The following PARD3 variants were observed in gnomAD, a reference collection of about 807,000 sequenced individuals.
PARD3 encodes the protein par-3 family cell polarity regulator.
A neutral mutation model predicts 155.4 loss-of-function variants in PARD3; 75 were observed. The observed-to-expected ratio is 0.48, with a 90% CI of 0.40 to 0.58. The LOEUF (loss-of-function observed/expected upper bound fraction) is 0.58, where lower values mean the gene tolerates loss of function less well. PARD3 is among the 20% of genes least tolerant of loss of function. The probability of loss-of-function intolerance (pLI) is 0.00; values close to 1 mark genes in which losing one functional copy is unlikely to be tolerated. For missense variants in PARD3, 1,642 were observed against 1,721.7 expected (o/e 0.95, Z 0.82); for synonymous variants, 576 against 610.5 (o/e 0.94, Z 0.83).
At chr10:34,709,771 C>T (rs2094423750) in intron 1 of PARD3, among the ~76,000 whole-genome samples, 1 of 152,150 alleles carries the variant, frequency 6.6e-6, no homozygotes, top group African/African-American at 2.4e-5. Flanking sequence ...GCTATGTCAT[C>T]CCGGGGCCTC....
At chr10:34,434,678 T>C (rs893708368) in intron 5 of PARD3, among the ~76,000 whole-genome samples, 3 of 152,116 alleles carry the variant, frequency 2.0e-5, no homozygotes, top group Non-Finnish European at 2.9e-5. Context: ...TGTTGACAGC[T>C]TGGACTTTGG....
chr10:34,384,988 C>T (rs1214631938), intron 7 of PARD3, among the ~76,000 whole-genome samples: 4 of 152,112 alleles, frequency 2.6e-5, no homozygotes, highest in Non-Finnish European at 4.4e-5. Flanking sequence ...TTGAGAGACC[C>T]CCTACTTGCT....
rs115179969 is a variant in PARD3, at chr10:34,300,454, A to C, written c.3066-16209T>G. Among the ~76,000 whole-genome samples, 455 of 152,284 alleles carry C rather than the reference A, an allele frequency of 3.0e-3. 2 individuals are homozygous for C. Among genetic ancestry groups the C allele is most frequent in the African/African-American group, 0.01 (420 of 41,554 alleles). On this transcript the variant is annotated intron_variant, in intron 20 of 24. Transcript: ENST00000374788. ...AGGATCACTTAAGGTCAGGAGTTCAAGACCACCCTGGATAACAAAGTGAGA... is the reference window on the plus strand; with the variant it reads ...AGGATCACTTAAGGTCAGGAGTTCACGACCACCCTGGATAACAAAGTGAGA...
At chr10:34,282,487 T>C (rs1589045131) in intron 21 of PARD3, among the ~76,000 whole-genome samples, 1 of 152,180 alleles carries the variant, frequency 6.6e-6, no homozygotes, top group African/African-American at 2.4e-5. Flanking sequence ...CTGGAAATAT[T>C]TGACTAAGCA....
chr10:34,686,039 A>C lies in PARD3; in HGVS notation c.222+10279T>G, dbSNP rs1295822834. Among the ~76,000 whole-genome samples, 3 of 152,246 alleles carry C rather than the reference A, an allele frequency of 2.0e-5. No individual in the cohort carries two copies. In the East Asian group the frequency reaches 5.8e-4, roughly 29 times the overall value. ...GAACTCAAATTAATTTCACATGTTT[A>C]GTAATAACTAAAATACTACTTACTT... On this transcript the variant is annotated intron_variant, in intron 2 of 24. Coordinates refer to ENST00000374788, the MANE Select transcript of PARD3 (RefSeq NM_001184785.2).
At chr10:34,723,605 A>G (rs1259938327) in intron 1 of PARD3, among the ~76,000 whole-genome samples, 1 of 152,222 alleles carries the variant, frequency 6.6e-6, no homozygotes, top group Non-Finnish European at 1.5e-5. Context: ...TGTATTAGAT[A>G]TCAATCAGAT....
At chr10:34,690,898 C>T (rs1564512963) in intron 2 of PARD3, among the ~76,000 whole-genome samples, 1 of 152,128 alleles carries the variant, frequency 6.6e-6, no homozygotes, top group Non-Finnish European at 1.5e-5. Context: ...GCAAGTACAA[C>T]GAGACTGTAC....
chr10:34,668,584 T>G (rs1193385858), intron 2 of PARD3, among the ~76,000 whole-genome samples: 1 of 152,206 alleles, frequency 6.6e-6, no homozygotes, highest in Admixed American at 6.5e-5. Context: ...CCACAATATA[T>G]ATATTCAAAC....
chr10:34,340,804 A>T (rs957549252), intron 16 of PARD3, among the ~76,000 whole-genome samples: 1 of 152,196 alleles, frequency 6.6e-6, no homozygotes, highest in Non-Finnish European at 1.5e-5. Context: ...AACAGTAGGA[A>T]GCAGGAATGG....
intron 22 of PARD3, among the ~76,000 whole-genome samples, chr10:34,172,992 T>C (rs1349714114): frequency 6.6e-6 from 1 of 152,224 alleles, no homozygotes; most frequent in Non-Finnish European, 1.5e-5. Context: ...GAAATCCTTT[T>C]ATGAAATCTT....
At chr10:34,114,887 C>T (rs560424847) in intron 24 of PARD3, among the ~76,000 whole-genome samples, 1 of 152,334 alleles carries the variant, frequency 6.6e-6, no homozygotes, top group South Asian at 2.1e-4. Flanking sequence ...TTCTTTATAA[C>T]CAACATATAG....
Position 34,518,382 on chromosome 10 carries a change from A to T in PARD3, c.223-1223T>A, listed in dbSNP as rs1373023370. ...TCTAATACCATTCTCCAGTTAATGA[A>T]CAAGGGCTCCTTGAAAAATGGTTGA... On this transcript the variant is annotated intron_variant, in intron 2 of 24. Transcript: ENST00000374788. Among the ~76,000 whole-genome samples the T allele has an allele frequency of 2.0e-5, 3 of 152,158 alleles. 1 individual carries two copies. Among genetic ancestry groups the T allele is most frequent in the Non-Finnish European group, 1.5e-5 (1 of 68,032 alleles).
chr10:34,359,074 C>A, intron 14 of PARD3, 73 bp downstream of exon 14: 1 of 1,214,326 alleles, frequency 8.2e-7, no homozygotes, highest in Non-Finnish European at 1.2e-6. Flanking sequence ...ACCTAATACC[C>A]TTTGCCCAAA....
chr10:34,722,284 A>G (rs1362646786), intron 1 of PARD3, among the ~76,000 whole-genome samples: 1 of 152,162 alleles, frequency 6.6e-6, no homozygotes, highest in Non-Finnish European at 1.5e-5. Flanking sequence ...ATGTATATAT[A>G]GATTGTCTAA....
chr10:34,340,332 T>C (rs1278155914), intron 16 of PARD3, among the ~76,000 whole-genome samples: 1 of 152,216 alleles, frequency 6.6e-6, no homozygotes, highest in Non-Finnish European at 1.5e-5. Flanking sequence ...ATCCTTGCTT[T>C]CTCTGTTGTT....
intron 22 of PARD3, among the ~76,000 whole-genome samples, chr10:34,198,625 T>G (rs908685934): frequency 6.6e-6 from 1 of 152,172 alleles, no homozygotes; most frequent in African/African-American, 2.4e-5. Context: ...CACCTTATTT[T>G]AAAAGTTAAA....
chr10:34,353,276 A>C (rs909038699), intron 14 of PARD3, among the ~76,000 whole-genome samples: 1 of 152,224 alleles, frequency 6.6e-6, no homozygotes, highest in African/African-American at 2.4e-5. Context: ...CGAGTAGAAA[A>C]GGGGGAAATG....
Position 34,599,094 on chromosome 10 carries a change from G to A in PARD3, c.223-81935C>T, listed in dbSNP as rs373271659. On this transcript the variant is annotated intron_variant, in intron 2 of 24. Coordinates refer to ENST00000374788, the MANE Select transcript of PARD3 (RefSeq NM_001184785.2). ...TCCCCATTCTCTACAACCATCACCC[G>A]TCTCTCCCCACACTCCCCCAAACAA... is the stretch of plus-strand genomic sequence containing the variant. Among the ~76,000 whole-genome samples the A allele has an allele frequency of 4.6e-5, 7 of 151,936 alleles. No individual in the cohort carries two copies. In the East Asian group the frequency reaches 7.7e-4, roughly 17 times the overall value.
intron 22 of PARD3, among the ~76,000 whole-genome samples, chr10:34,194,733 T>TC (rs1408227261): frequency 4.6e-5 from 7 of 151,868 alleles, no homozygotes; most frequent in African/African-American, 7.3e-5. Context: ...TTATTCATAG[T>TC]CCCTGAAGGG....
Sources: gnomAD v4.1 joint callset for allele counts (sites outside exome capture counted in the v4.1 genomes callset) on GRCh38, gnomAD v4.1.1 for gene constraint, MANE v1.5 for transcripts, NCBI Gene and HGNC (gene_info 2026-07-23, HGNC 2026-07-21) for gene names.